The following CDKL5 variants were observed in gnomAD, a reference collection of about 807,000 sequenced individuals.
The protein encoded by CDKL5 is cyclin dependent kinase like 5, also known as cyclin-dependent kinase-like 5.
Under a neutral mutation model 61.7 loss-of-function variants are expected in CDKL5, and 8 were observed. The ratio of observed to expected loss-of-function variants is 0.13; its 90% CI spans 0.08 to 0.23. The LOEUF is 0.23. Ranked by LOEUF, CDKL5 falls within the 10% of genes least tolerant of loss-of-function variation. The probability of loss-of-function intolerance (pLI) is 1.00; values close to 1 mark genes in which losing one functional copy is unlikely to be tolerated. For missense variants in CDKL5, 440 were observed against 734.5 expected, an observed-to-expected ratio of 0.60 and a Z score of 4.63; for synonymous variants, 275 against 272.3, an observed-to-expected ratio of 1.01 and a Z score of -0.10.
chrX:18,440,034 G>A (rs762036010), intron 1 of CDKL5, among the ~76,000 whole-genome samples: 1 of 110,900 alleles, frequency 9.0e-6, no homozygotes, highest in Non-Finnish European at 1.9e-5. Context: ...GATGGTGACT[G>A]ACTGATCAGG....
At chrX:18,526,949 A>C (rs934032156) in intron 3 of CDKL5, among the ~76,000 whole-genome samples, 25 of 109,557 alleles carry the variant, frequency 2.3e-4, no homozygotes, top group African/African-American at 8.0e-4. Flanking sequence ...ATGCCTGGCT[A>C]ATTTTGTATT....
chrX:18,436,421 G>C (rs1192812263), intron 1 of CDKL5, among the ~76,000 whole-genome samples: 1 of 111,510 alleles, frequency 9.0e-6, no homozygotes, highest in Non-Finnish European at 1.9e-5. Context: ...AACAGGGTAG[G>C]GTTGGAGAGT....
chrX:18,615,823 C>T (rs946829385), intron 15 of CDKL5, among the ~76,000 whole-genome samples: 5 of 111,919 alleles, frequency 4.5e-5, no homozygotes, highest in Non-Finnish European at 9.4e-5. Flanking sequence ...CAGTGTACCC[C>T]TTTCTTGCAA....
chrX:18,460,995 G>T (rs1011716739), intron 1 of CDKL5, among the ~76,000 whole-genome samples: 1 of 112,138 alleles, frequency 8.9e-6, no homozygotes, highest in African/African-American at 3.2e-5. Context: ...CGTTCCCTTG[G>T]GTTTCTTTCT....
chrX:18,483,061 G>T (rs1027490076), intron 1 of CDKL5, among the ~76,000 whole-genome samples: 3 of 111,906 alleles, frequency 2.7e-5, no homozygotes, highest in African/African-American at 9.7e-5. Flanking sequence ...CCATTTAAAT[G>T]TAGGCTCTTT....
chrX:18,575,333 TCAC>T lies in CDKL5; in HGVS notation c.146-18_146-16del, dbSNP rs1319057530. The T allele has an allele frequency of 8.3e-7, 1 of 1,199,421 alleles. No homozygotes were observed. The highest frequency in any genetic ancestry group is 1.1e-6 in the Non-Finnish European group (1 of 884,941). On this transcript the variant is annotated intron_variant, in intron 4 of 17. Coordinates refer to ENST00000623535, the MANE Select transcript of CDKL5 (RefSeq NM_001323289.2). Reference sequence around the variant, plus strand: ...CTTGAAAGTTTTCATTTTAGTCTCTTCACCATTGTTTACATTCTAGAAAATGAA... The same window carrying T: ...CTTGAAAGTTTTCATTTTAGTCTCTTCATTGTTTACATTCTAGAAAATGAA...
chrX:18,575,286 C>G, intron 4 of CDKL5, 68 bp from the exon 5 acceptor site: 1 of 1,038,143 alleles, frequency 9.6e-7, no homozygotes. Flanking sequence ...TTTCAGTGTT[C>G]TTGGAATTCT....
Position 18,633,766 on chromosome X carries a change from A to G in CDKL5, c.*5009A>G, listed in dbSNP as rs764975266. On this transcript the variant is annotated 3_prime_UTR_variant, in exon 18 of 18. Transcript: ENST00000623535. The stretch of plus-strand genomic sequence containing the variant: ...GGCCTTCATGTGAGCCAGTTACTAC[A>G]TGAATCTTCATTTCCCACAGTGGTT... The G allele has an allele frequency of 2.8e-5, 21 of 751,311 alleles. No individual in the cohort carries two copies. The highest frequency in any genetic ancestry group is 4.7e-5 in the African/African-American group (2 of 42,859). The allele number at this position is 751,311 out of a possible 1,213,427, so 61.9% of individuals were successfully genotyped here. A position where few individuals can be genotyped will look rare whatever the true frequency, so the allele number is the denominator to read the frequency against.
At chrX:18,569,377 C>T (rs1925067583) in intron 4 of CDKL5, among the ~76,000 whole-genome samples, 1 of 111,635 alleles carries the variant, frequency 9.0e-6, no homozygotes, top group Non-Finnish European at 1.9e-5. Context: ...TAGTTCTGCT[C>T]ATTATTTGGA....
chrX:18,476,236 TG>T (rs1220859013), intron 1 of CDKL5, among the ~76,000 whole-genome samples: 1 of 111,192 alleles, frequency 9.0e-6, no homozygotes, highest in East Asian at 2.8e-4. Context: ...ATTTTTGAGA[TG>T]GGGGGTTTCA....
At chrX:18,428,324 A>G (rs1931410267) in intron 1 of CDKL5, among the ~76,000 whole-genome samples, 1 of 112,484 alleles carries the variant, frequency 8.9e-6, no homozygotes, top group Non-Finnish European at 1.9e-5. Context: ...TTGTAAAAGA[A>G]AATTTAGCTT....
intron 3 of CDKL5, among the ~76,000 whole-genome samples, chrX:18,552,126 T>C (rs901538861): frequency 2.8e-5 from 3 of 108,323 alleles, no homozygotes; most frequent in African/African-American, 1.0e-4. Flanking sequence ...TAATCTCAGC[T>C]ACTCAGGAGG....
rs186806303 is a variant in CDKL5 at position 18,451,793 on chromosome X, G to T, written c.-163+26098G>T. Among the ~76,000 whole-genome samples the T allele has an allele frequency of 1.6e-3, 177 of 111,898 alleles. 2 individuals are homozygous for T. Among genetic ancestry groups the T allele is most frequent in the Middle Eastern group, 4.6e-3 (1 of 217 alleles). On this transcript the variant is annotated intron_variant, in intron 1 of 17. Transcript: ENST00000623535. ...ATCTCAAAATGATCCACTTGCCTCG[G>T]CCTCCCACAGTGCTGGGATTACAGG... is the stretch of plus-strand genomic sequence containing the variant.
At chrX:18,650,333 T>G (rs1768773806) in intron 20 of CDKL5, 1 of 1,005,115 alleles carries the variant, frequency 9.9e-7, no homozygotes, top group African/African-American at 1.9e-5. Flanking sequence ...TCACCTTGGC[T>G]TCAGCTGGTG....
At chrX:18,519,073 A>G (rs1923154272) in intron 3 of CDKL5, among the ~76,000 whole-genome samples, 1 of 111,356 alleles carries the variant, frequency 9.0e-6, no homozygotes, top group Admixed American at 9.6e-5. Context: ...GGCACAGTTG[A>G]AACTTGATCC....
intron 1 of CDKL5, among the ~76,000 whole-genome samples, chrX:18,492,864 C>T (rs969699413): frequency 6.3e-5 from 7 of 111,751 alleles, no homozygotes; most frequent in Non-Finnish European, 1.3e-4. Flanking sequence ...ATCAGATTGT[C>T]ATACCACTCC....
Position 18,632,596 on chromosome X carries a change from T to C in CDKL5, c.*3839T>C. The C allele has an allele frequency of 1.3e-6, 1 of 754,703 alleles. No homozygotes were observed. The highest frequency in any genetic ancestry group is 1.6e-6 in the Non-Finnish European group (1 of 639,382). 62.2% of individuals were successfully genotyped at this position (754,703 alleles called of 1,213,427 possible). A position where few individuals can be genotyped will look rare whatever the true frequency, so the allele number is the denominator to read the frequency against. ...TTGTGATGTGGCTGTTATAGAAGTA[T>C]TTGTGCTGTATGCTTTGGTTAAATC... On this transcript the variant is annotated 3_prime_UTR_variant, in exon 18 of 18. Coordinates refer to ENST00000623535, the MANE Select transcript of CDKL5 (RefSeq NM_001323289.2).
chrX:18,575,686 G>C (rs1371409280), intron 5 of CDKL5, among the ~76,000 whole-genome samples, 196 bp downstream of exon 5: 4 of 112,398 alleles, frequency 3.6e-5, no homozygotes, highest in Non-Finnish European at 5.6e-5. Context: ...CAATTAAACT[G>C]TATAGAGATA....
intron 15 of CDKL5, among the ~76,000 whole-genome samples, chrX:18,618,483 A>G (rs1310271220): frequency 1.8e-5 from 2 of 111,400 alleles, no homozygotes; most frequent in South Asian, 3.7e-4. Context: ...TTCCTTACCA[A>G]TGGCAAGTGA....
Sources: gnomAD v4.1 joint callset for allele counts (sites outside exome capture counted in the v4.1 genomes callset) on GRCh38, gnomAD v4.1.1 for gene constraint, MANE v1.5 for transcripts, NCBI Gene and HGNC (gene_info 2026-07-23, HGNC 2026-07-21) for gene names.